TRAPPC9: variants seen among roughly 807,000 people sequenced by gnomAD.
TRAPPC9 encodes the protein IKK2 binding protein.
Under a neutral mutation model 124.0 loss-of-function variants are expected in TRAPPC9, and 83 were observed. The observed-to-expected ratio is 0.67, with a 90% CI of 0.56 to 0.80. The LOEUF (loss-of-function observed/expected upper bound fraction) is 0.80, where lower values mean the gene tolerates loss of function less well. TRAPPC9 is among the 30% of genes least tolerant of loss of function. The pLI, the probability that TRAPPC9 is intolerant of heterozygous loss-of-function variation, is 0.00. For synonymous variants in TRAPPC9, 638 were observed against 617.5 expected (o/e 1.03, Z -0.49); for missense variants, 1,302 against 1,508.3 (o/e 0.86, Z 2.27).
At chr8:139,970,632 CT>C (rs1835998901) in intron 19 of TRAPPC9, among the ~76,000 whole-genome samples, 1 of 152,156 alleles carries the variant, frequency 6.6e-6, no homozygotes, top group East Asian at 1.9e-4. Flanking sequence ...AAAGGGTCAC[CT>C]TTTCCAGGTG....
intron 11 of TRAPPC9, 60 bp downstream of exon 11, chr8:140,300,409 G>C (rs1188546420): frequency 2.5e-6 from 4 of 1,611,394 alleles, no homozygotes; most frequent in Non-Finnish European, 2.5e-6. Context: ...TAAAAATCTA[G>C]AAAAGCCATT....
chr8:139,757,474 G>T (rs559435601), intron 21 of TRAPPC9, among the ~76,000 whole-genome samples: 1 of 150,814 alleles, frequency 6.6e-6, no homozygotes, highest in Non-Finnish European at 1.5e-5. Context: ...GTCGCAGGAG[G>T]AGCCAGGGTT....
chr8:140,391,072 T>G (rs771299471), intron 7 of TRAPPC9, among the ~76,000 whole-genome samples: 1 of 152,214 alleles, frequency 6.6e-6, no homozygotes, highest in African/African-American at 2.4e-5. Context: ...TGGGTTTCCT[T>G]AGCAACAGCT....
chr8:140,143,393 T>C (rs2061410274), intron 17 of TRAPPC9, among the ~76,000 whole-genome samples: 1 of 152,256 alleles, frequency 6.6e-6, no homozygotes. Flanking sequence ...AGTCCTCTGA[T>C]GGCTATATGT....
At chr8:140,366,297 TAATA>T (rs1483259358) in intron 8 of TRAPPC9, among the ~76,000 whole-genome samples, 2 of 152,162 alleles carry the variant, frequency 1.3e-5, no homozygotes, top group South Asian at 2.1e-4. Context: ...TAAAATTTTT[TAATA>T]AATAAAAATA....
chr8:140,334,096 T>C (rs2066969838), intron 9 of TRAPPC9, among the ~76,000 whole-genome samples: 1 of 152,182 alleles, frequency 6.6e-6, no homozygotes, highest in Non-Finnish European at 1.5e-5. Flanking sequence ...GCCTTCTACT[T>C]CTCCACCACA....
At chr8:140,094,832 C>T (rs959539198) in intron 17 of TRAPPC9, 1 of 152,222 alleles carries the variant, frequency 6.6e-6, no homozygotes, top group Non-Finnish European at 1.5e-5. Context: ...CCCTCATCTA[C>T]AAAACAGGAC....
At chr8:139,805,081 T>G (rs1027355496) in intron 21 of TRAPPC9, among the ~76,000 whole-genome samples, 1 of 151,940 alleles carries the variant, frequency 6.6e-6, no homozygotes, top group Non-Finnish European at 1.5e-5. Flanking sequence ...CCGAGGGAGG[T>G]GTCTCTTCAT....
rs1844283195 is a variant in TRAPPC9, at chr8:140,087,648, C to A, written c.2557-63569G>T. ...AAGGTCTGACCACTGTCGCCAACCT[C>A]CTCTGCTGCCGCCCTCATCCAAGCC... On this transcript the variant is annotated intron_variant, in intron 17 of 22. Coordinates refer to ENST00000438773, the MANE Select transcript of TRAPPC9 (RefSeq NM_001160372.4). This position sits in a 1 kb window ranked among gnomAD's most constrained non-coding sequence, Gnocchi z 4.6. Among the ~76,000 whole-genome samples the A allele has an allele frequency of 6.6e-6, 1 of 152,176 alleles. No individual in the cohort carries two copies. The highest frequency in any genetic ancestry group is 2.1e-4 in the South Asian group (1 of 4,830).
At chr8:140,168,585 A>G (rs1016672810) in intron 17 of TRAPPC9, among the ~76,000 whole-genome samples, 3 of 152,292 alleles carry the variant, frequency 2.0e-5, no homozygotes, top group Admixed American at 2.0e-4. Context: ...ACGAGTTAGG[A>G]GGGCTCTTTG....
intron 17 of TRAPPC9, among the ~76,000 whole-genome samples, chr8:140,148,254 C>T (rs1261632611): frequency 6.6e-6 from 1 of 152,228 alleles, no homozygotes; most frequent in Non-Finnish European, 1.5e-5. Context: ...AAAAATGATG[C>T]TCTCGGTCGT....
At chr8:139,837,070 C>T (rs1228090652) in intron 21 of TRAPPC9, among the ~76,000 whole-genome samples, 1 of 152,120 alleles carries the variant, frequency 6.6e-6, no homozygotes, top group Non-Finnish European at 1.5e-5. Flanking sequence ...TTTTAATAGT[C>T]TATGCACCGG....
At chr8:140,364,056 C>T (rs1161204049) in intron 8 of TRAPPC9, among the ~76,000 whole-genome samples, 1 of 152,130 alleles carries the variant, frequency 6.6e-6, no homozygotes, top group Non-Finnish European at 1.5e-5. Flanking sequence ...GAAGAAATGG[C>T]ATCCAGCTGT....
intron 20 of TRAPPC9, among the ~76,000 whole-genome samples, chr8:139,908,142 C>T (rs979767397): frequency 2.8e-4 from 42 of 152,242 alleles, no homozygotes; most frequent in African/African-American, 9.9e-4. Context: ...CTCTGTGAAG[C>T]GTGGGGACAC....
At chr8:140,347,469 C>A (rs1160833323) in intron 9 of TRAPPC9, among the ~76,000 whole-genome samples, 1 of 152,256 alleles carries the variant, frequency 6.6e-6, no homozygotes, top group Non-Finnish European at 1.5e-5. Flanking sequence ...TGTGAGTCCT[C>A]TTTCCAACGA....
At chr8:140,288,050 T>A (rs1196273310) in intron 12 of TRAPPC9, among the ~76,000 whole-genome samples, 1 of 152,052 alleles carries the variant, frequency 6.6e-6, no homozygotes, top group Non-Finnish European at 1.5e-5. Flanking sequence ...CAAAAATAAA[T>A]AAAAACATGG....
intron 7 of TRAPPC9, among the ~76,000 whole-genome samples, chr8:140,395,674 G>A (rs1283218918): frequency 6.6e-6 from 1 of 152,132 alleles, no homozygotes; most frequent in Non-Finnish European, 1.5e-5. Context: ...ATTAAATCTG[G>A]ATGATAAGCA....
chr8:140,153,573 G>A (rs1055007790), intron 17 of TRAPPC9, among the ~76,000 whole-genome samples: 2 of 151,992 alleles, frequency 1.3e-5, no homozygotes, highest in Non-Finnish European at 2.9e-5. Flanking sequence ...TAAAGGCATT[G>A]TCTCTGCCTT....
chr8:139,738,983 C>T (rs888538560), intron 21 of TRAPPC9, among the ~76,000 whole-genome samples: 4 of 152,192 alleles, frequency 2.6e-5, no homozygotes, highest in African/African-American at 9.7e-5. Flanking sequence ...GGAATGTCGG[C>T]TCCTGCCCGC....
Sources: gnomAD v4.1 joint callset for allele counts (sites outside exome capture counted in the v4.1 genomes callset) on GRCh38, gnomAD v4.1.1 for gene constraint, Gnocchi (gnomAD v3.1) non-coding constraint, MANE v1.5 for transcripts, NCBI Gene and HGNC (gene_info 2026-07-23, HGNC 2026-07-21) for gene names.